Variants in KALRN observed in about 807,000 individuals in gnomAD.
KALRN encodes the protein kalirin RhoGEF kinase, also known as kalirin.
A neutral mutation model predicts 353.7 loss-of-function variants in KALRN; 70 were observed. The ratio of observed to expected loss-of-function variants is 0.20; its 90% CI spans 0.16 to 0.24. The LOEUF (loss-of-function observed/expected upper bound fraction) is 0.24, where lower values mean the gene tolerates loss of function less well. Ranked by LOEUF, KALRN falls within the 10% of genes least tolerant of loss-of-function variation. KALRN has a pLI of 1.00. For synonymous variants in KALRN, 1,391 were observed against 1,434.8 expected (o/e 0.97, Z 0.69); for missense variants, 2,791 against 3,756.7 (o/e 0.74, Z 6.72).
chr3:124,033,632 C>G lies in KALRN; in HGVS notation c.-109C>G, dbSNP rs2039096121. Among the ~76,000 whole-genome samples, 1 of 151,724 alleles carries G rather than the reference C, an allele frequency of 6.6e-6. No individual in the cohort carries two copies. Among genetic ancestry groups the G allele is most frequent in the Non-Finnish European group, 1.5e-5 (1 of 67,840 alleles). On this transcript the variant is annotated 5_prime_UTR_variant, in exon 1 of 60. Transcript: ENST00000682506. The surrounding 1 kb of genome is among the most constrained non-coding windows in gnomAD (Gnocchi z 6.2). ...CCTCGAAGCTCCGCGGCCGCCAGCTCTGCGGCCGCAGCAGCTGCGCCCCGC... is the reference window on the plus strand; with the variant it reads ...CCTCGAAGCTCCGCGGCCGCCAGCTGTGCGGCCGCAGCAGCTGCGCCCCGC...
chr3:124,139,135 G>T (rs1029657024), intron 1 of KALRN, among the ~76,000 whole-genome samples: 2 of 152,110 alleles, frequency 1.3e-5, no homozygotes, highest in Non-Finnish European at 2.9e-5. Flanking sequence ...ATAGGGCCCA[G>T]ATCCTTTCTT....
intron 1 of KALRN, among the ~76,000 whole-genome samples, chr3:124,197,691 G>A (rs1388021915): frequency 1.3e-5 from 2 of 152,164 alleles, no homozygotes; most frequent in Non-Finnish European, 2.9e-5. Flanking sequence ...TAGCAGGGAC[G>A]TGACAGGCAG....
chr3:124,531,113 T>TA (rs1451196403), intron 33 of KALRN, among the ~76,000 whole-genome samples: 1 of 152,174 alleles, frequency 6.6e-6, no homozygotes, highest in African/African-American at 2.4e-5. Flanking sequence ...TGAATGTTCT[T>TA]ACTCCCACAA....
rs34633708 is a variant in KALRN, at chr3:124,146,874, C to CAAAAAAAAAAAAAAAAAAAA, written c.74-81115_74-81096dup. On this transcript the variant is annotated intron_variant, in intron 1 of 59. Transcript: ENST00000682506. ...CCTGGGCAATAGAGCGACTCTGTCT[C>CAAAAAAAAAAAAAAAAAAAA]AAAAAAAAAAAAAAAAAAAAGAAAA... is the stretch of plus-strand genomic sequence containing the variant. Among the ~76,000 whole-genome samples, 41 of 49,848 alleles carry CAAAAAAAAAAAAAAAAAAAA rather than the reference C, an allele frequency of 8.2e-4. 2 individuals carry two copies. Among genetic ancestry groups the CAAAAAAAAAAAAAAAAAAAA allele is most frequent in the African/African-American group, 1.3e-3 (17 of 12,716 alleles). The allele number at this position is 49,848 out of a possible 152,430, so 32.7% of individuals were successfully genotyped here.
intron 3 of KALRN, among the ~76,000 whole-genome samples, chr3:124,241,854 A>G (rs763289109): frequency 6.6e-6 from 1 of 152,322 alleles, no homozygotes; most frequent in African/African-American, 2.4e-5. Context: ...GCCCCAAGAT[A>G]ATTTTGCTAA....
intron 1 of KALRN, among the ~76,000 whole-genome samples, chr3:124,067,549 T>G (rs1036523697): frequency 2.0e-5 from 3 of 151,816 alleles, no homozygotes; most frequent in African/African-American, 7.3e-5. Flanking sequence ...AGAAAAGATA[T>G]GGGATAGGTC....
At chr3:124,281,636 T>A (rs1299393405) in intron 5 of KALRN, among the ~76,000 whole-genome samples, 1 of 152,230 alleles carries the variant, frequency 6.6e-6, no homozygotes, top group Non-Finnish European at 1.5e-5. Context: ...TCTGCCCTGT[T>A]GGAGGTGCTC....
intron 18 of KALRN, 127 bp from the exon 19 acceptor site, chr3:124,441,816 ACT>A (rs1159444589): frequency 3.7e-6 from 2 of 540,142 alleles, no homozygotes; most frequent in Non-Finnish European, 6.5e-6. Flanking sequence ...ACAGAGTGAG[ACT>A]CTGTCTCAAA....
At chr3:124,708,799 AC>A (rs1191098779) in intron 57 of KALRN, among the ~76,000 whole-genome samples, 1 of 152,162 alleles carries the variant, frequency 6.6e-6, no homozygotes, top group Non-Finnish European at 1.5e-5. Flanking sequence ...TAAAAAACAA[AC>A]AAAAACCATG....
At chr3:124,677,257 C>T (rs76683338) in intron 49 of KALRN, 2,025 of 179,630 alleles carry the variant, frequency 0.011, 48 homozygotes, top group African/African-American at 0.047. Context: ...TCTGTGACCT[C>T]ACCTGAAACT....
At chr3:124,086,714 A>G (rs2060845159) in intron 1 of KALRN, among the ~76,000 whole-genome samples, 1 of 152,202 alleles carries the variant, frequency 6.6e-6, no homozygotes, top group East Asian at 1.9e-4. Flanking sequence ...ATGTACTCAC[A>G]GTGTTCAAAA....
At chr3:124,652,768 G>A (rs1041384063) in intron 38 of KALRN, among the ~76,000 whole-genome samples, 14 of 151,884 alleles carry the variant, frequency 9.2e-5, no homozygotes, top group Non-Finnish European at 1.5e-4. Context: ...TAGTAGAGAC[G>A]GGGTTTCACC....
intron 1 of KALRN, among the ~76,000 whole-genome samples, chr3:124,046,765 A>G (rs141973637): frequency 2.6e-5 from 4 of 152,312 alleles, no homozygotes; most frequent in Non-Finnish European, 5.9e-5. Context: ...TGGAGGCCCT[A>G]CTTTGGAAAA....
At chr3:124,304,702 T>C (rs183360029) in intron 6 of KALRN, among the ~76,000 whole-genome samples, 2 of 152,292 alleles carry the variant, frequency 1.3e-5, no homozygotes, top group African/African-American at 4.8e-5. Context: ...GAGCCTGTGG[T>C]ATTTGAACCA....
At chr3:124,045,216 T>C (rs1372628359) in intron 1 of KALRN, among the ~76,000 whole-genome samples, 1 of 152,042 alleles carries the variant, frequency 6.6e-6, no homozygotes, top group Non-Finnish European at 1.5e-5. Context: ...GGGGGATTCT[T>C]GTGTCTGACT....
intron 10 of KALRN, among the ~76,000 whole-genome samples, chr3:124,369,987 T>G: frequency 6.6e-6 from 1 of 152,212 alleles, no homozygotes; most frequent in East Asian, 1.9e-4. Flanking sequence ...TATTGTATTT[T>G]ATTGCTGAAT....
At chr3:124,629,653 A>C (rs2080513735) in intron 34 of KALRN, among the ~76,000 whole-genome samples, 1 of 152,108 alleles carries the variant, frequency 6.6e-6, no homozygotes, top group South Asian at 2.1e-4. Context: ...ATCTTTTCAG[A>C]TCAATCCCGC....
intron 1 of KALRN, among the ~76,000 whole-genome samples, chr3:124,088,195 C>T (rs935980678): frequency 5.4e-4 from 82 of 152,060 alleles, no homozygotes; most frequent in African/African-American, 8.2e-4. Context: ...GTTCACTATG[C>T]GGATGGTCCA....
rs187937629 is a variant in KALRN, at chr3:124,228,510, T to G, written c.148+446T>G. On this transcript the variant is annotated intron_variant, in intron 2 of 59. Coordinates refer to ENST00000682506, the MANE Select transcript of KALRN (RefSeq NM_001388419.1). ...ATGTTTAGATGTTTAGTTTTTGTTT[T>G]TTTCTGAATAATGACTTCCAAATAT... Among the ~76,000 whole-genome samples, 41 of 152,336 alleles carry G rather than the reference T, an allele frequency of 2.7e-4. 1 individual carries two copies. Among genetic ancestry groups the G allele is most frequent in the Admixed American group, 2.7e-3 (41 of 15,304 alleles).
Sources: allele counts gnomAD v4.1 joint callset (sites outside exome capture counted in the v4.1 genomes callset), GRCh38; gene constraint gnomAD v4.1.1; non-coding constraint Gnocchi (gnomAD v3.1); transcripts MANE v1.5; gene names NCBI Gene and HGNC (gene_info 2026-07-23, HGNC 2026-07-21).